SYT1: variants seen among roughly 807,000 people sequenced by gnomAD.
SYT1 encodes the protein synaptotagmin-1.
In SYT1, 8 loss-of-function variants were observed where a neutral mutation model predicts 44.8. The observed-to-expected ratio is 0.18, with a 90% confidence interval of 0.10 to 0.32. The LOEUF is 0.32. SYT1 is among the 10% of genes least tolerant of loss of function. SYT1 has a pLI of 1.00. For missense variants in SYT1, 286 were observed against 509.3 expected (o/e 0.56, Z 4.22); for synonymous variants, 154 against 188.8 (o/e 0.82, Z 1.51).
intron 4 of SYT1, among the ~76,000 whole-genome samples, chr12:79,246,983 AG>A (rs1264272067): frequency 6.6e-6 from 1 of 152,228 alleles, no homozygotes; most frequent in African/African-American, 2.4e-5. Context: ...TTAGATGGAT[AG>A]AGTGATAGAA....
intron 8 of SYT1, chr12:79,341,342 C>A (rs1294145173): frequency 1.3e-5 from 2 of 152,130 alleles, no homozygotes; most frequent in Non-Finnish European, 2.9e-5. Flanking sequence ...CTTCAAGGAT[C>A]CTGTCTCACT....
At chr12:79,315,747 G>T (rs968864371) in intron 8 of SYT1, among the ~76,000 whole-genome samples, 2 of 152,106 alleles carry the variant, frequency 1.3e-5, no homozygotes, top group Admixed American at 6.6e-5. Flanking sequence ...CAGTACTAAG[G>T]TTCACTTTTT....
chr12:79,291,830 T>C (rs2138850320), intron 5 of SYT1, 178 bp from the exon 6 acceptor site: 1 of 818,636 alleles, frequency 1.2e-6, no homozygotes. Flanking sequence ...AGAAATTCCG[T>C]GCACAAAAGG....
Position 79,449,122 on chromosome 12 carries a change from T to TAAAGG in SYT1, c.*3_*7dup, listed in dbSNP as rs1321760368. 6.2e-7 allele frequency: 1 copy of TAAAGG among 1,605,326 alleles called. No homozygotes were observed. The highest frequency in any genetic ancestry group is 1.3e-5 in the African/African-American group (1 of 74,824). On this transcript the variant is annotated frameshift_variant and stop_retained_variant, in exon 11 of 11. Transcript: ENST00000261205. LOFTEE classifies it high-confidence loss of function. ...TGATGCCATGCTGGCCGTCAAGAAG[T>TAAAGG]AAAGGAAAGAAGAAGCCTTTCTGCA...
intron 3 of SYT1, among the ~76,000 whole-genome samples, chr12:79,188,580 A>G (rs2138439699): frequency 6.6e-6 from 1 of 152,272 alleles, no homozygotes; most frequent in Non-Finnish European, 1.5e-5. Flanking sequence ...AGGGTTGACC[A>G]CAGGCAAAGC....
chr12:79,194,291 A>G (rs573677481), intron 3 of SYT1, among the ~76,000 whole-genome samples: 2 of 152,020 alleles, frequency 1.3e-5, no homozygotes, highest in East Asian at 3.9e-4. Flanking sequence ...GTTTTTTACT[A>G]TTTTTTTCCT....
At chr12:79,126,314 G>A (rs893003901) in intron 3 of SYT1, among the ~76,000 whole-genome samples, 1 of 152,232 alleles carries the variant, frequency 6.6e-6, no homozygotes, top group Non-Finnish European at 1.5e-5. Context: ...AGGCTGGAGT[G>A]CAGTAGCACG....
rs1879513103 is a variant in SYT1, at chr12:78,961,684, T to G, written c.-216-16115T>G. 2.0e-5 allele frequency among the ~76,000 whole-genome samples: 3 copies of G among 152,128 alleles called. No homozygotes were observed. In the South Asian group the frequency reaches 6.2e-4, roughly 31 times the overall value. ...ATGAGCAATTCTTAGGCATTACTAATGACAACTTGAAACTATTTAGGCAGA... is the reference window on the plus strand; with the variant it reads ...ATGAGCAATTCTTAGGCATTACTAAGGACAACTTGAAACTATTTAGGCAGA... On this transcript the variant is annotated intron_variant, in intron 1 of 10. Coordinates refer to ENST00000261205, the MANE Select transcript of SYT1 (RefSeq NM_005639.3).
intron 1 of SYT1, among the ~76,000 whole-genome samples, chr12:78,874,993 G>T (rs1873992422): frequency 6.6e-6 from 1 of 151,558 alleles, no homozygotes; most frequent in Non-Finnish European, 1.5e-5. Flanking sequence ...AAGACTTGAA[G>T]AAATTAAGCT....
At chr12:79,096,486 T>C (rs1174707386) in intron 3 of SYT1, among the ~76,000 whole-genome samples, 1 of 152,000 alleles carries the variant, frequency 6.6e-6, no homozygotes, top group African/African-American at 2.4e-5. Flanking sequence ...TGATTAATGC[T>C]TTAACAGATG....
rs113303065 is a variant in SYT1 at position 78,956,676 on chromosome 12, A to G, written c.-216-21123A>G. 1.3e-3 allele frequency among the ~76,000 whole-genome samples: 196 copies of G among 152,256 alleles called. 1 individual carries two copies. Among genetic ancestry groups the G allele is most frequent in the Middle Eastern group, 0.01 (3 of 294 alleles). On this transcript the variant is annotated intron_variant, in intron 1 of 10. Transcript: ENST00000261205. The stretch of plus-strand genomic sequence containing the variant: ...GCCAATTACTCTGTAATATTTATTG[A>G]GATTTGACTCCGTATATATAAGGGA...
At chr12:78,931,036 C>T (rs1011463996) in intron 1 of SYT1, among the ~76,000 whole-genome samples, 5 of 151,036 alleles carry the variant, frequency 3.3e-5, no homozygotes, top group African/African-American at 4.9e-5. Context: ...GTGGCTCACG[C>T]GTGAAATCCC....
intron 3 of SYT1, among the ~76,000 whole-genome samples, chr12:79,097,289 A>G (rs1472411507): frequency 1.3e-5 from 2 of 152,048 alleles, no homozygotes; most frequent in Admixed American, 6.6e-5. Flanking sequence ...GTCAAAGTCC[A>G]CAAGACCCTG....
chr12:79,324,681 T>C (rs918167522), intron 8 of SYT1, among the ~76,000 whole-genome samples: 2 of 152,208 alleles, frequency 1.3e-5, no homozygotes, highest in Non-Finnish European at 2.9e-5. Flanking sequence ...TCTGTGGGGT[T>C]TGAGATGTGC....
chr12:78,949,563 C>A (rs752716370), intron 1 of SYT1, among the ~76,000 whole-genome samples: 16 of 151,390 alleles, frequency 1.1e-4, no homozygotes, highest in Non-Finnish European at 2.1e-4. Flanking sequence ...TATCTATATT[C>A]CAGAAAATCA....
intron 3 of SYT1, among the ~76,000 whole-genome samples, chr12:79,109,531 C>G (rs1237118058): frequency 1.3e-5 from 2 of 152,158 alleles, no homozygotes; most frequent in African/African-American, 4.8e-5. Context: ...GTTCTCAACT[C>G]AGCTATAAAA....
chr12:79,144,022 TG>T (rs1317241509), intron 3 of SYT1, among the ~76,000 whole-genome samples: 1 of 152,200 alleles, frequency 6.6e-6, no homozygotes, highest in Non-Finnish European at 1.5e-5. Context: ...TCTTAGGTAC[TG>T]GGGAAGATAA....
intron 9 of SYT1, among the ~76,000 whole-genome samples, chr12:79,375,155 C>T (rs1043360637): frequency 6.6e-6 from 1 of 152,022 alleles, no homozygotes. Flanking sequence ...TAGCTTACGA[C>T]CTACAGAAAC....
At chr12:79,127,200 C>T (rs1239898963) in intron 3 of SYT1, among the ~76,000 whole-genome samples, 1 of 152,242 alleles carries the variant, frequency 6.6e-6, no homozygotes, top group Non-Finnish European at 1.5e-5. Context: ...CCAGGTTGCT[C>T]ATCAGAGTGT....
Sources: allele counts gnomAD v4.1 joint callset (sites outside exome capture counted in the v4.1 genomes callset), GRCh38; gene constraint gnomAD v4.1.1; transcripts MANE v1.5; gene names NCBI Gene and HGNC (gene_info 2026-07-23, HGNC 2026-07-21).